Variants in CACNA1S observed in about 807,000 individuals in gnomAD.
CACNA1S encodes calcium voltage-gated channel subunit alpha1 S.
A neutral mutation model predicts 207.4 loss-of-function variants in CACNA1S; 126 were observed. The ratio of observed to expected loss-of-function variants is 0.61; its 90% CI spans 0.53 to 0.70. The LOEUF (loss-of-function observed/expected upper bound fraction) is 0.70, where lower values mean the gene tolerates loss of function less well. Among genes scored for constraint, CACNA1S ranks in the 30% least tolerant of loss-of-function variants. CACNA1S has a pLI of 0.00. For missense variants in CACNA1S, 2,349 were observed against 2,422.8 expected (o/e 0.97, Z 0.64); for synonymous variants, 960 against 932.7 (o/e 1.03, Z -0.53).
intron 14 of CACNA1S, 78 bp downstream of exon 14, chr1:201,074,428 G>T: frequency 1.2e-6 from 1 of 865,032 alleles, no homozygotes; most frequent in South Asian, 1.4e-5. Context: ...TTGGGTTACA[G>T]GGAGGCCCTG....
intron 28 of CACNA1S, 59 bp downstream of exon 28, chr1:201,058,349 G>A: frequency 2.1e-6 from 3 of 1,417,108 alleles, no homozygotes; most frequent in Non-Finnish European, 2.0e-6. Context: ...AAATATCTGT[G>A]GATTGAACAC....
At chr1:201,065,967 G>C in intron 21 of CACNA1S, 22 bp from the exon 22 acceptor site, 1 of 1,530,430 alleles carries the variant, frequency 6.5e-7, no homozygotes, top group Non-Finnish European at 9.0e-7. Context: ...GGGGCCAATG[G>C]GGACTGGGGG....
intron 7 of CACNA1S, among the ~76,000 whole-genome samples, chr1:201,086,687 T>C (rs1278366737): frequency 6.6e-6 from 1 of 152,256 alleles, no homozygotes; most frequent in Non-Finnish European, 1.5e-5. Flanking sequence ...CATGACTGTA[T>C]GTTAAAATAT....
At position 201,111,829 on chromosome 1, in the gene CACNA1S, G is replaced by A. The variant is rs375238395; in HGVS notation, c.152+359C>T. ...CCCATGAAACAGGCCCCACCCATAGGTGGTCAGTAGGCATCTCTGGTTGTC... is the reference window on the plus strand; with the variant it reads ...CCCATGAAACAGGCCCCACCCATAGATGGTCAGTAGGCATCTCTGGTTGTC... On this transcript the variant is annotated intron_variant, in intron 1 of 43. Coordinates refer to ENST00000362061, the MANE Select transcript of CACNA1S (RefSeq NM_000069.3). Among the ~76,000 whole-genome samples, 29 of 152,030 alleles carry A rather than the reference G, an allele frequency of 1.9e-4. No individual in the cohort carries two copies. The East Asian group carries it at 4.1e-3, about 21-fold the overall frequency.
Position 201,066,176 on chromosome 1 carries a change from C to T in CACNA1S, c.2745+53G>A. On this transcript the variant is annotated intron_variant, in intron 21 of 43. Transcript: ENST00000362061. This position sits in a 1 kb window ranked among gnomAD's most constrained non-coding sequence, Gnocchi z 4.3. ...GCTGAGGTTTCTGGAGCGAGGAGGC[C>T]CCTGTAACCCCTCCCATTCCTCTCT... is the stretch of plus-strand genomic sequence containing the variant. 2.0e-6 allele frequency: 3 copies of T among 1,530,792 alleles called. No individual in the cohort carries two copies. Among genetic ancestry groups the T allele is most frequent in the Non-Finnish European group, 2.7e-6 (3 of 1,104,546 alleles). 94.8% of individuals were successfully genotyped at this position (1,530,792 alleles called of 1,614,324 possible).
In CACNA1S at chr1:201,091,790, G is replaced by A. The variant is rs933931466; in HGVS notation, c.544C>T (p.Leu182=). The change falls in exon 5 of 44, where the codon CTG becomes TTG. Residue 182 remains leucine (L), a splice_region_variant and synonymous_variant. Coordinates refer to ENST00000362061, the MANE Select transcript of CACNA1S (RefSeq NM_000069.3). ...PLRLVSGVPS[L]QVVLNSIFKA... is the part of the protein sequence containing the mutation. ...AAGATGGAGTTCAGGACCACCTGCA[G>A]GCCTGCAGAGGCAGGCAGGGAAGGG... is the stretch of plus-strand genomic sequence containing the variant. 1 of 1,613,396 alleles carries A rather than the reference G, an allele frequency of 6.2e-7. No homozygotes were observed. Among genetic ancestry groups the A allele is most frequent in the East Asian group, 2.2e-5 (1 of 44,872 alleles).
intron 10 of CACNA1S, among the ~76,000 whole-genome samples, chr1:201,079,761 C>G (rs143739227): frequency 3.2e-4 from 48 of 152,318 alleles, no homozygotes; most frequent in African/African-American, 1.1e-3. Context: ...AAACCCTTAT[C>G]TAAAGTCCAT....
rs548524942 is a variant in CACNA1S at position 201,086,647 on chromosome 1, C to T, written c.1005-1066G>A. Among the ~76,000 whole-genome samples, 69 of 152,296 alleles carry T rather than the reference C, an allele frequency of 4.5e-4. 1 individual carries two copies. In the South Asian group the frequency reaches 5.8e-3, roughly 13 times the overall value. Reference sequence around the variant, plus strand: ...GCGCACCACTGTTGTGGATGCAGCCCGTCATTGACTGAAATGTCATCATGC... The same window carrying T: ...GCGCACCACTGTTGTGGATGCAGCCTGTCATTGACTGAAATGTCATCATGC... On this transcript the variant is annotated intron_variant, in intron 7 of 43. Coordinates refer to ENST00000362061, the MANE Select transcript of CACNA1S (RefSeq NM_000069.3).
At chr1:201,094,764 G>A (rs1360840900) in intron 2 of CACNA1S, among the ~76,000 whole-genome samples, 3 of 152,090 alleles carry the variant, frequency 2.0e-5, no homozygotes, top group African/African-American at 7.2e-5. Flanking sequence ...GGGGTACACT[G>A]TGTGTGGGGA....
At position 201,082,936 on chromosome 1, in the gene CACNA1S, G is replaced by A. The variant is rs16847684; in HGVS notation, c.1393+226C>T. On this transcript the variant is annotated intron_variant, in intron 10 of 43. Transcript: ENST00000362061. ...CCTTGGTAAGTAACAAAGCCATGAA[G>A]AGGAAAATTGGGTATGTTGCTTTGC... Among the ~76,000 whole-genome samples the A allele has an allele frequency of 8.1e-3, 1,229 of 152,346 alleles. 17 individuals are homozygous for A. Among genetic ancestry groups the A allele is most frequent in the African/African-American group, 0.028 (1,177 of 41,580 alleles).
rs1310231316 is a variant in CACNA1S, at chr1:201,062,473, C to T, written c.2895G>A (p.Glu965=). 1.9e-6 allele frequency: 3 copies of T among 1,613,968 alleles called. No individual in the cohort carries two copies. The highest frequency in any genetic ancestry group is 2.2e-5 in the South Asian group (2 of 91,078). ...CCTGCCCCATGTACCTGCACTCCTC[C>T]TCTGTCATCTTGGACAAGTCGGTGC... ...FRCTDLSKMT[E]EECRGYYYVY... is the part of the protein sequence containing the mutation. The change falls in exon 23 of 44, where the codon GAG becomes GAA. Residue 965 remains glutamate (E), a synonymous_variant. Coordinates refer to ENST00000362061, the MANE Select transcript of CACNA1S (RefSeq NM_000069.3).
At position 201,059,279 on chromosome 1, in the gene CACNA1S, C is replaced by T; in HGVS notation, c.3435G>A (p.Gln1145=). The change falls in exon 27 of 44, where the codon CAG becomes CAA. Residue 1145 remains glutamine, a synonymous_variant. Coordinates refer to ENST00000362061, the MANE Select transcript of CACNA1S (RefSeq NM_000069.3). The stretch of plus-strand genomic sequence containing the variant: ...TGAGGATGTCTGAGATGTGGTTCAT[C>T]TGCTCCGACTGGTTGTAGTGCTGTG... ...LGMQHYNQSE[Q]MNHISDILNV... 1 of 1,613,610 alleles carries T rather than the reference C, an allele frequency of 6.2e-7. No individual in the cohort carries two copies. The highest frequency in any genetic ancestry group is 8.5e-7 in the Non-Finnish European group (1 of 1,179,546).
At chr1:201,082,089 T>G (rs1661861419) in intron 10 of CACNA1S, among the ~76,000 whole-genome samples, 1 of 144,490 alleles carries the variant, frequency 6.9e-6, no homozygotes, top group Non-Finnish European at 1.5e-5. Context: ...AGTGCAGTGG[T>G]GCAATCTCGG....
chr1:201,063,340 A>T (rs12403523), intron 22 of CACNA1S, among the ~76,000 whole-genome samples: 16,414 of 150,404 alleles, frequency 0.11, 1,196 homozygotes, highest in African/African-American at 0.2. Context: ...CTTAGGCAAG[A>T]GTACAGTGGT....
At chr1:201,083,474 C>G in intron 9 of CACNA1S, 152 bp from the exon 10 acceptor site, 1 of 748,238 alleles carries the variant, frequency 1.3e-6, no homozygotes. Flanking sequence ...AGCTAGGGAG[C>G]CAGACTGAGT....
At chr1:201,059,112 T>G in intron 27 of CACNA1S, 77 bp downstream of exon 27, 2 of 898,872 alleles carry the variant, frequency 2.2e-6, no homozygotes, top group South Asian at 2.7e-5. Context: ...GGATGAGGGA[T>G]GGGGGTGGAT....
At chr1:201,090,543 C>T (rs534397884) in intron 5 of CACNA1S, among the ~76,000 whole-genome samples, 1 of 152,234 alleles carries the variant, frequency 6.6e-6, no homozygotes, top group Non-Finnish European at 1.5e-5. Context: ...CACTGAAGGC[C>T]TAGAACAGTT....
In CACNA1S at chr1:201,066,422, T is replaced by C. The variant is rs1661243838; in HGVS notation, c.2658-106A>G. On this transcript the variant is annotated intron_variant, in intron 20 of 43. Coordinates refer to ENST00000362061, the MANE Select transcript of CACNA1S (RefSeq NM_000069.3). The surrounding 1 kb of genome is among the most constrained non-coding windows in gnomAD (Gnocchi z 4.3). The stretch of plus-strand genomic sequence containing the variant: ...CTGCCCTCCACACCAGCTGCCTTTC[T>C]GCCTGAAAACACTCCCACCTTCCCC... 1 of 996,856 alleles carries C rather than the reference T, an allele frequency of 1.0e-6. No homozygotes were observed. The highest frequency in any genetic ancestry group is 1.6e-5 in the African/African-American group (1 of 63,230). 61.8% of individuals were successfully genotyped at this position (996,856 alleles called of 1,614,324 possible).
chr1:201,062,749 C>T (rs1241406152), intron 22 of CACNA1S, among the ~76,000 whole-genome samples: 24 of 152,364 alleles, frequency 1.6e-4, no homozygotes, highest in Admixed American at 1.4e-3. Flanking sequence ...GGCTTCCCCA[C>T]CCAGCCTAGA....
Sources: gnomAD v4.1 joint callset for allele counts (sites outside exome capture counted in the v4.1 genomes callset) on GRCh38, gnomAD v4.1.1 for gene constraint, Gnocchi (gnomAD v3.1) non-coding constraint, MANE v1.5 for transcripts, NCBI Gene and HGNC (gene_info 2026-07-23, HGNC 2026-07-21) for gene names.